The following BFSP1 variants were observed in gnomAD, a reference collection of about 807,000 sequenced individuals.
The protein encoded by BFSP1 is beaded filament structural protein 1.
Under a neutral mutation model 43.9 loss-of-function variants are expected in BFSP1, and 38 were observed. That is an observed-to-expected ratio of 0.87 (90% CI 0.67 to 1.14). The LOEUF is 1.14. Among genes scored for constraint, BFSP1 ranks in the 50% most tolerant of loss-of-function variants. The probability of loss-of-function intolerance (pLI) is 0.00; values close to 1 mark genes in which losing one functional copy is unlikely to be tolerated. For missense variants in BFSP1, 850 were observed against 875.1 expected, an observed-to-expected ratio of 0.97 and a Z score of 0.36; for synonymous variants, 352 against 354.8, an observed-to-expected ratio of 0.99 and a Z score of 0.09.
At chr20:17,560,799 G>A (rs929070518), upstream of BFSP1, 7 of 152,182 alleles carry the variant, frequency 4.6e-5, no homozygotes, top group Non-Finnish European at 8.8e-5. Flanking sequence ...GGGAATAATG[G>A]GACGAGCTGG....
chr20:17,498,394 G>A (rs2033707077), intron 6 of BFSP1, among the ~76,000 whole-genome samples: 1 of 152,176 alleles, frequency 6.6e-6, no homozygotes, highest in South Asian at 2.1e-4. Flanking sequence ...GGCAGCAGGA[G>A]CATCACCAAC....
chr20:17,498,696 G>C, intron 6 of BFSP1, 124 bp downstream of exon 6: 1 of 1,146,254 alleles, frequency 8.7e-7, no homozygotes, highest in Admixed American at 2.1e-5. Context: ...ATGGGGTCAG[G>C]AATTGTTCTG....
intron 1 of BFSP1, among the ~76,000 whole-genome samples, chr20:17,554,998 C>G (rs2123591212): frequency 6.6e-6 from 1 of 152,188 alleles, no homozygotes; most frequent in Admixed American, 6.5e-5. Context: ...CATGCATAGA[C>G]TCTACATGAA....
chr20:17,567,912 G>A (rs2035139636), intron 1 of BFSP1, among the ~76,000 whole-genome samples: 1 of 150,510 alleles, frequency 6.6e-6, no homozygotes, highest in Non-Finnish European at 1.5e-5. Context: ...GATTATAGAA[G>A]GAACTAGGGG....
chr20:17,496,346 T>A (rs2033630648), intron 7 of BFSP1, among the ~76,000 whole-genome samples: 1 of 152,248 alleles, frequency 6.6e-6, no homozygotes, highest in African/African-American at 2.4e-5. Flanking sequence ...ATGCTGCGCT[T>A]GTTCAGAACT....
intron 1 of BFSP1, among the ~76,000 whole-genome samples, chr20:17,555,242 G>A (rs542754690): frequency 2.1e-5 from 3 of 142,946 alleles, no homozygotes; most frequent in South Asian, 2.2e-4. Flanking sequence ...AGCTGTGTTC[G>A]TGCTGTTGCG....
chr20:17,524,880 G>A lies in BFSP1; in HGVS notation c.406C>T (p.Leu136=), dbSNP rs771934451. The part of the protein sequence containing the change: ...KYENECECQL[L]LKEMLERLNK... ...AGCCGTTCAAGCATTTCTTTTAGCAGGAGTTGACATTCGCACTCATTTTCA... is the reference window on the plus strand; with the variant it reads ...AGCCGTTCAAGCATTTCTTTTAGCAAGAGTTGACATTCGCACTCATTTTCA... The change falls in exon 2 of 8, where the codon CTG becomes TTG. Residue 136 remains leucine (L), a synonymous_variant. Transcript: ENST00000377873. The A allele has an allele frequency of 6.2e-7, 1 of 1,614,130 alleles. No individual in the cohort carries two copies. Among genetic ancestry groups the A allele is most frequent in the Admixed American group, 1.7e-5 (1 of 60,016 alleles).
rs538674445 is a variant in BFSP1 at position 17,567,241 on chromosome 20, A to G, written n.50+1930T>C. The stretch of plus-strand genomic sequence containing the variant: ...ATCTTAAGTTATGATAAACTGATAT[A>G]TAAGTTTGATAAATTGTAAAACATC... On this transcript the variant is annotated intron_variant and non_coding_transcript_variant, in intron 1 of 6. Transcript: ENST00000473415. Among the ~76,000 whole-genome samples the G allele has an allele frequency of 1.8e-4, 27 of 152,330 alleles. No homozygotes were observed. In the South Asian group the frequency reaches 5.4e-3, roughly 30 times the overall value.
intron 1 of BFSP1, among the ~76,000 whole-genome samples, chr20:17,545,497 G>A (rs2034784976): frequency 6.6e-6 from 1 of 152,232 alleles, no homozygotes; most frequent in Non-Finnish European, 1.5e-5. Flanking sequence ...GGTGGCTTAT[G>A]CCTGTAATCC....
chr20:17,545,071 C>G (rs2034777199), intron 1 of BFSP1, among the ~76,000 whole-genome samples: 1 of 152,156 alleles, frequency 6.6e-6, no homozygotes, highest in African/African-American at 2.4e-5. Flanking sequence ...GCTCTCAATG[C>G]AATAGAAATT....
chr20:17,527,453 C>T lies in BFSP1; in HGVS notation c.378-2545G>A, dbSNP rs185642309. Among the ~76,000 whole-genome samples the T allele has an allele frequency of 6.8e-3, 1,038 of 152,216 alleles. 7 individuals are homozygous for T. The highest frequency in any genetic ancestry group is 0.011 in the Non-Finnish European group (737 of 68,012). Reference sequence around the variant, plus strand: ...ATATTAAAGAGAAGTGATTTCCGGGCGCGGTGGCTCACGCCTGTAATCCCA... The same window carrying T: ...ATATTAAAGAGAAGTGATTTCCGGGTGCGGTGGCTCACGCCTGTAATCCCA... On this transcript the variant is annotated intron_variant, in intron 1 of 7. Transcript: ENST00000377873.
At chr20:17,520,216 C>T (rs867081414) in intron 2 of BFSP1, among the ~76,000 whole-genome samples, 27 of 142,504 alleles carry the variant, frequency 1.9e-4, no homozygotes, top group Admixed American at 9.1e-4. Context: ...ACGTGCCCCC[C>T]CACCCCGCCC....
intron 5 of BFSP1, among the ~76,000 whole-genome samples, chr20:17,503,739 G>GCA (rs1010047574): frequency 6.6e-6 from 1 of 152,066 alleles, no homozygotes; most frequent in East Asian, 1.9e-4. Context: ...ACACGTGCGT[G>GCA]CACACACACA....
chr20:17,559,501 G>A (rs972205038), upstream of BFSP1, among the ~76,000 whole-genome samples: 1 of 152,184 alleles, frequency 6.6e-6, no homozygotes, highest in Non-Finnish European at 1.5e-5. Context: ...GGTGCACCTT[G>A]CAGAGGTCCT....
chr20:17,533,569 C>G (rs554801511), upstream of BFSP1, among the ~76,000 whole-genome samples: 1 of 152,308 alleles, frequency 6.6e-6, no homozygotes, highest in South Asian at 2.1e-4. Context: ...GCCACACAAG[C>G]TCATCCCAGG....
Position 17,496,973 on chromosome 20 carries a change from T to A in BFSP1, c.1007A>T (p.His336Leu), listed in dbSNP as rs369276976. Residue 336 changes from histidine (H) to leucine (L), a missense_variant, in exon 7 of 8, where the codon CAT (histidine) becomes CTT (leucine). Coordinates refer to ENST00000377873, the MANE Select transcript of BFSP1 (RefSeq NM_001195.5). ...ETPIPLFTQSHGVSLSTGSGG... is the reference protein window; with the variant it reads ...ETPIPLFTQSLGVSLSTGSGG... ...GGATCCAGTGCTGAGAGAGACTCCA[T>A]GGCTCTGGGTGAACAGGGGAATGGG... 1 of 1,543,644 alleles carries A rather than the reference T, an allele frequency of 6.5e-7. No individual in the cohort carries two copies. The highest frequency in any genetic ancestry group is 8.7e-7 in the Non-Finnish European group (1 of 1,144,938).
At chr20:17,502,048 G>A (rs1196080769) in intron 5 of BFSP1, among the ~76,000 whole-genome samples, 5 of 152,190 alleles carry the variant, frequency 3.3e-5, no homozygotes, top group Non-Finnish European at 5.9e-5. Flanking sequence ...GGGAGCCATG[G>A]CAAGAGAAGG....
At chr20:17,532,154 T>C (rs2034556644), upstream of BFSP1, among the ~76,000 whole-genome samples, 1 of 152,210 alleles carries the variant, frequency 6.6e-6, no homozygotes, top group Non-Finnish European at 1.5e-5. Flanking sequence ...GGTTCACGCC[T>C]GTAATCCTAG....
chr20:17,558,731 T>A, exon 1 of BFSP1: 2 of 1,551,494 alleles, frequency 1.3e-6, no homozygotes, highest in Non-Finnish European at 1.7e-6. Flanking sequence ...AATTTGAAAA[T>A]CCATTCAGCT....
Sources: gnomAD v4.1 joint callset for allele counts (sites outside exome capture counted in the v4.1 genomes callset) on GRCh38, gnomAD v4.1.1 for gene constraint, MANE v1.5 for transcripts, NCBI Gene and HGNC (gene_info 2026-07-23, HGNC 2026-07-21) for gene names.